PRKG1: variants seen among roughly 807,000 people sequenced by gnomAD.
The protein encoded by PRKG1 is cGMP-dependent protein kinase 1.
PRKG1 carries 35 observed loss-of-function variants against 88.1 expected under a neutral mutation model. The ratio of observed to expected loss-of-function variants is 0.40; its 90% CI spans 0.30 to 0.53. The LOEUF (loss-of-function observed/expected upper bound fraction) is 0.53, where lower values mean the gene tolerates loss of function less well. Ranked by LOEUF, PRKG1 falls within the 20% of genes least tolerant of loss-of-function variation. The pLI is 0.59. For synonymous variants in PRKG1, 303 were observed against 292.5 expected (o/e 1.04, Z -0.37); for missense variants, 540 against 839.8 (o/e 0.64, Z 4.41).
At chr10:51,549,648 T>C (rs1215076772) in intron 3 of PRKG1, among the ~76,000 whole-genome samples, 1 of 152,168 alleles carries the variant, frequency 6.6e-6, no homozygotes, top group African/African-American at 2.4e-5. Context: ...TCTAACATTT[T>C]CATGTGACCT....
chr10:51,352,359 A>G (rs942549280), intron 2 of PRKG1, among the ~76,000 whole-genome samples: 3 of 151,980 alleles, frequency 2.0e-5, no homozygotes, highest in African/African-American at 7.3e-5. Flanking sequence ...TTTTCACGGT[A>G]TTGATTCTTC....
At chr10:51,360,857 T>A (rs184055749) in intron 2 of PRKG1, among the ~76,000 whole-genome samples, 4 of 151,946 alleles carry the variant, frequency 2.6e-5, no homozygotes, top group East Asian at 1.9e-4. Context: ...AGAGGTGAGA[T>A]TTGTCTCTGA....
intron 3 of PRKG1, among the ~76,000 whole-genome samples, chr10:51,535,905 T>C (rs930924992): frequency 5.3e-5 from 8 of 151,966 alleles, no homozygotes; most frequent in Non-Finnish European, 1.2e-4. Context: ...GTATTTTTAG[T>C]AGAGAGGGGG....
At chr10:51,540,965 C>T (rs1253988684) in intron 3 of PRKG1, among the ~76,000 whole-genome samples, 1 of 152,156 alleles carries the variant, frequency 6.6e-6, no homozygotes, top group Non-Finnish European at 1.5e-5. Context: ...GATCCATCCA[C>T]CTGGGCCTCC....
chr10:51,658,008 A>G (rs1589167016), intron 3 of PRKG1, among the ~76,000 whole-genome samples: 1 of 152,194 alleles, frequency 6.6e-6, no homozygotes, highest in Admixed American at 6.6e-5. Flanking sequence ...CAAAAAGGAA[A>G]AAATTGCAAA....
At chr10:52,285,818 T>A (rs990646608) in intron 14 of PRKG1, among the ~76,000 whole-genome samples, 1 of 152,124 alleles carries the variant, frequency 6.6e-6, no homozygotes, top group South Asian at 2.1e-4. Context: ...CTGAAAGTCA[T>A]GCTGTAAGTA....
chr10:51,274,712 A>G (rs771270229), intron 2 of PRKG1, among the ~76,000 whole-genome samples: 1 of 152,194 alleles, frequency 6.6e-6, no homozygotes, highest in East Asian at 1.9e-4. Flanking sequence ...AACACATCTT[A>G]AAAAGTTAAA....
chr10:52,210,975 T>C (rs1394672491), intron 9 of PRKG1, among the ~76,000 whole-genome samples: 1 of 152,208 alleles, frequency 6.6e-6, no homozygotes, highest in African/African-American at 2.4e-5. Flanking sequence ...ACATTCATCA[T>C]ATAAAATAGC....
intron 4 of PRKG1, among the ~76,000 whole-genome samples, chr10:51,853,158 G>A (rs924311413): frequency 2.0e-5 from 3 of 152,104 alleles, no homozygotes; most frequent in Non-Finnish European, 2.9e-5. Flanking sequence ...CTAGTCAAAT[G>A]TTCTTTCTAA....
In PRKG1 at chr10:51,946,211, G is replaced by C. The variant is rs576184203; in HGVS notation, c.762+38641G>C. Among the ~76,000 whole-genome samples, 240 of 151,814 alleles carry C rather than the reference G, an allele frequency of 1.6e-3. 4 individuals carry two copies. Among genetic ancestry groups the C allele is most frequent in the African/African-American group, 3.9e-3 (162 of 41,286 alleles). ...CCTTCTCACTTCATTTCATTCATTT[G>C]ATCTTCCATCACTGATACCCTTTCT... On this transcript the variant is annotated intron_variant, in intron 5 of 17. Coordinates refer to ENST00000373980, the MANE Select transcript of PRKG1 (RefSeq NM_006258.4).
intron 2 of PRKG1, among the ~76,000 whole-genome samples, chr10:51,229,771 A>T (rs1399507343): frequency 6.6e-6 from 1 of 151,940 alleles, no homozygotes; most frequent in Non-Finnish European, 1.5e-5. Context: ...TCTACAAAAA[A>T]TAAAAATTAG....
At chr10:51,243,442 G>A (rs890558705) in intron 2 of PRKG1, among the ~76,000 whole-genome samples, 5 of 152,138 alleles carry the variant, frequency 3.3e-5, no homozygotes, top group African/African-American at 4.8e-5. Context: ...TCCTGGCATT[G>A]CTCTGGCGGA....
chr10:52,244,209 T>C (rs936643950), intron 9 of PRKG1, among the ~76,000 whole-genome samples: 39 of 152,086 alleles, frequency 2.6e-4, no homozygotes, highest in African/African-American at 9.4e-4. Context: ...TTTAAAGAGA[T>C]TTTTTAAAAC....
Position 52,067,433 on chromosome 10 carries a change from T to A in PRKG1, c.935+4802T>A, listed in dbSNP as rs562989926. Among the ~76,000 whole-genome samples the A allele has an allele frequency of 7.6e-4, 116 of 152,328 alleles. 1 individual carries two copies. Among genetic ancestry groups the A allele is most frequent in the Non-Finnish European group, 1.4e-3 (94 of 68,020 alleles). On this transcript the variant is annotated intron_variant, in intron 7 of 17. Coordinates refer to ENST00000373980, the MANE Select transcript of PRKG1 (RefSeq NM_006258.4). ...AAATTTGAGAGTGCATAAATACTAG[T>A]ACTGATTAAGCACACAGTAGAAAAT...
chr10:52,284,915 A>C (rs1589759003), intron 14 of PRKG1, among the ~76,000 whole-genome samples: 1 of 152,116 alleles, frequency 6.6e-6, no homozygotes, highest in South Asian at 2.1e-4. Flanking sequence ...TATGAGCCAC[A>C]TGACCTCCCT....
chr10:52,251,579 T>G lies in PRKG1; in HGVS notation c.1086T>G (p.Ala362=). 1 of 1,611,398 alleles carries G rather than the reference T, an allele frequency of 6.2e-7. No individual in the cohort carries two copies. The highest frequency in any genetic ancestry group is 8.5e-7 in the Non-Finnish European group (1 of 1,177,756). Residue 362 remains alanine (A), a synonymous_variant, in exon 10 of 18, where the codon GCT becomes GCG. Coordinates refer to ENST00000373980, the MANE Select transcript of PRKG1 (RefSeq NM_006258.4). ...EDAEAKAKYE[A]EAAFFANLKL... Reference sequence around the variant, plus strand: ...ACATCAAAAAATCCAGATATGAAGCTGAAGCGGCTTTCTTCGCCAACCTGA... The same window carrying G: ...ACATCAAAAAATCCAGATATGAAGCGGAAGCGGCTTTCTTCGCCAACCTGA...
intron 3 of PRKG1, among the ~76,000 whole-genome samples, chr10:51,574,182 G>A (rs1018846970): frequency 1.5e-4 from 23 of 151,878 alleles, no homozygotes; most frequent in Admixed American, 1.5e-3. Flanking sequence ...TTTGATTTGT[G>A]TGGCTCTCAT....
At chr10:51,568,959 G>A (rs967495105) in intron 3 of PRKG1, among the ~76,000 whole-genome samples, 9 of 152,092 alleles carry the variant, frequency 5.9e-5, no homozygotes, top group African/African-American at 7.2e-5. Flanking sequence ...GGTGTGGGCC[G>A]AGTAGACTAG....
intron 3 of PRKG1, among the ~76,000 whole-genome samples, chr10:51,766,912 C>G (rs1024954354): frequency 1.3e-5 from 2 of 152,172 alleles, no homozygotes; most frequent in African/African-American, 4.8e-5. Flanking sequence ...CACCCTTTCT[C>G]TGCCTGCTCT....
Sources: gnomAD v4.1 joint callset for allele counts (sites outside exome capture counted in the v4.1 genomes callset) on GRCh38, gnomAD v4.1.1 for gene constraint, MANE v1.5 for transcripts, NCBI Gene and HGNC (gene_info 2026-07-23, HGNC 2026-07-21) for gene names.